Variants in RGS12 observed in about 807,000 individuals in gnomAD.
RGS12 encodes regulator of G protein signaling 12.
A neutral mutation model predicts 120.1 loss-of-function variants in RGS12; 66 were observed. The ratio of observed to expected loss-of-function variants is 0.55; its 90% CI spans 0.45 to 0.67. The LOEUF (loss-of-function observed/expected upper bound fraction) is 0.67, where lower values mean the gene tolerates loss of function less well. RGS12 is among the 30% of genes least tolerant of loss of function. The pLI, the probability that RGS12 is intolerant of heterozygous loss-of-function variation, is 0.00. For missense variants in RGS12, 1,859 were observed against 1,957.7 expected, an observed-to-expected ratio of 0.95 and a Z score of 0.95; for synonymous variants, 827 against 804.7, an observed-to-expected ratio of 1.03 and a Z score of -0.47.
chr4:3,423,397 G>A, intron 12 of RGS12, 118 bp from the exon 13 acceptor site: 5 of 1,350,694 alleles, frequency 3.7e-6, no homozygotes, highest in Non-Finnish European at 4.1e-6. Flanking sequence ...GGGCTGAACT[G>A]GGGGGCACAC....
intron 4 of RGS12, among the ~76,000 whole-genome samples, chr4:3,388,014 G>A (rs1424412875): frequency 6.6e-6 from 1 of 152,174 alleles, no homozygotes; most frequent in African/African-American, 2.4e-5. Context: ...GTCCCTCTGA[G>A]GAAGTGTGTC....
chr4:3,299,757 A>G (rs969375590), intron 1 of RGS12, among the ~76,000 whole-genome samples: 1 of 152,254 alleles, frequency 6.6e-6, no homozygotes, highest in African/African-American at 2.4e-5. Context: ...GGATGGGTCA[A>G]CTAACCTGAT....
At chr4:3,425,581 G>A (rs774414569) in intron 14 of RGS12, 21 bp downstream of exon 14, 64 of 1,593,766 alleles carry the variant, frequency 4.0e-5, no homozygotes, top group East Asian at 3.6e-4. Context: ...CTGGTGCAGC[G>A]GATGGGGAGA....
At chr4:3,321,534 G>T (rs1406826256) in intron 2 of RGS12, among the ~76,000 whole-genome samples, 4 of 152,182 alleles carry the variant, frequency 2.6e-5, no homozygotes, top group Admixed American at 6.5e-5. Context: ...AAATGCCTTG[G>T]TGTCTGGCAC....
At position 3,316,923 on chromosome 4, in the gene RGS12, C is replaced by T; in HGVS notation, c.753C>T (p.Ser251=). 1 of 1,613,988 alleles carries T rather than the reference C, an allele frequency of 6.2e-7. No individual in the cohort carries two copies. The highest frequency in any genetic ancestry group is 8.5e-7 in the Non-Finnish European group (1 of 1,180,048). ...PSTSSNLESD[S]LQAIRGCMRR... is the part of the protein sequence containing the mutation. ...CGAGCTCCAACCTGGAGTCCGACAG[C>T]TTGCAAGCCATCCGCGGCTGCATGC... is the stretch of plus-strand genomic sequence containing the variant. Residue 251 remains serine (S), a synonymous_variant, in exon 2 of 18, where the codon AGC becomes AGT. Coordinates refer to ENST00000336727, the MANE Select transcript of RGS12 (RefSeq NM_001394154.1).
intron 2 of RGS12, among the ~76,000 whole-genome samples, chr4:3,334,408 A>G (rs975079706): frequency 1.6e-4 from 25 of 152,164 alleles, no homozygotes; most frequent in Admixed American, 4.6e-4. Flanking sequence ...TTTTTTATAC[A>G]CTGATGTATT....
rs767886615 is a variant in RGS12, at chr4:3,422,437, A to G, written c.2900A>G (p.His967Arg). Reference protein sequence around the residue: ...KDKATKHCCIHLPDGTSCVVA... With the variant: ...KDKATKHCCIRLPDGTSCVVA... ...AAGGCCACCAAGCACTGCTGCATTCATCTCCCGGATGGGACATCCTGCGTG... is the reference window on the plus strand; with the variant it reads ...AAGGCCACCAAGCACTGCTGCATTCGTCTCCCGGATGGGACATCCTGCGTG... Residue 967 changes from histidine to arginine, a missense_variant, in exon 11 of 18, where the codon CAT (histidine) becomes CGT (arginine). Physicochemically the swap from His to Arg is conservative, Grantham distance 29 (BLOSUM62 0). Coordinates refer to ENST00000336727, the MANE Select transcript of RGS12 (RefSeq NM_001394154.1). 35 of 1,613,062 alleles carry G rather than the reference A, an allele frequency of 2.2e-5. No individual in the cohort carries two copies. In the South Asian group the frequency reaches 3.8e-4, roughly 18 times the overall value.
At chr4:3,417,639 G>A in intron 9 of RGS12, 98 bp downstream of exon 9, 1 of 1,339,312 alleles carries the variant, frequency 7.5e-7, no homozygotes, top group Admixed American at 2.1e-5. Context: ...TGGGCCATGT[G>A]TGCAGTGAGA....
chr4:3,289,894 AAGTT>A (rs1722974427), upstream of RGS12, among the ~76,000 whole-genome samples: 1 of 152,210 alleles, frequency 6.6e-6, no homozygotes. Flanking sequence ...TTCCACATGT[AAGTT>A]AGACCGGGCA....
At chr4:3,338,757 G>C (rs772903951) in intron 2 of RGS12, among the ~76,000 whole-genome samples, 3 of 152,218 alleles carry the variant, frequency 2.0e-5, no homozygotes, top group African/African-American at 7.2e-5. Context: ...TCAGACAGTC[G>C]TGAGGAGTCT....
In RGS12 at chr4:3,355,277, C is replaced by T. The variant is rs543816701; in HGVS notation, c.1998+12224C>T. ...AAGTTAAAAGAATTAAAGGGAAATTCCTTAATCTGATAAGGATATCTAAAC... is the reference window on the plus strand; with the variant it reads ...AAGTTAAAAGAATTAAAGGGAAATTTCTTAATCTGATAAGGATATCTAAAC... On this transcript the variant is annotated intron_variant, in intron 3 of 17. Coordinates refer to ENST00000336727, the MANE Select transcript of RGS12 (RefSeq NM_001394154.1). 3.9e-5 allele frequency among the ~76,000 whole-genome samples: 6 copies of T among 152,244 alleles called. No individual in the cohort carries two copies. In the South Asian group the frequency reaches 1.2e-3, roughly 32 times the overall value.
chr4:3,367,885 G>A (rs1415208553), intron 3 of RGS12, among the ~76,000 whole-genome samples: 1 of 152,224 alleles, frequency 6.6e-6, no homozygotes, highest in African/African-American at 2.4e-5. Context: ...AGCAACAGGC[G>A]GACCCCTAGC....
chr4:3,293,178 C>T (rs1417043549), intron 1 of RGS12, 79 bp downstream of exon 1: 1 of 145,972 alleles, frequency 6.9e-6, no homozygotes, highest in Non-Finnish European at 1.5e-5. Flanking sequence ...GGGCGCGCGC[C>T]CGCGCCCTCC....
At chr4:3,416,892 C>G (rs775560979) in intron 7 of RGS12, 21 bp from the exon 8 acceptor site, 1 of 1,577,136 alleles carries the variant, frequency 6.3e-7, no homozygotes, top group East Asian at 2.3e-5. Context: ...GTGACTGTCC[C>G]ACCTTACATC....
intron 1 of RGS12, among the ~76,000 whole-genome samples, chr4:3,313,658 G>A (rs958462326): frequency 3.9e-5 from 6 of 152,192 alleles, no homozygotes; most frequent in African/African-American, 1.4e-4. Flanking sequence ...GTGACTTTAA[G>A]TCTGCTTCCT....
Position 3,398,618 on chromosome 4 carries a change from T to A in RGS12, c.2020+12181T>A, listed in dbSNP as rs148447086. 5.2e-3 allele frequency among the ~76,000 whole-genome samples: 789 copies of A among 151,936 alleles called. 6 individuals are homozygous for A. Among genetic ancestry groups the A allele is most frequent in the African/African-American group, 0.018 (741 of 41,414 alleles). On this transcript the variant is annotated intron_variant, in intron 4 of 17. Coordinates refer to ENST00000336727, the MANE Select transcript of RGS12 (RefSeq NM_001394154.1). The stretch of plus-strand genomic sequence containing the variant: ...GCAATAAAAAGAACAAAAAAGACAG[T>A]GTGCACCAAAAGTAGCATGAGATTT...
At chr4:3,411,516 G>A (rs1409751721) in intron 4 of RGS12, among the ~76,000 whole-genome samples, 1 of 152,206 alleles carries the variant, frequency 6.6e-6, no homozygotes, top group Non-Finnish European at 1.5e-5. Context: ...AGCTTTCCAC[G>A]GGAGCTTTCA....
chr4:3,317,302 T>C lies in RGS12; in HGVS notation c.1132T>C (p.Ser378Pro). The C allele has an allele frequency of 6.2e-7, 1 of 1,613,982 alleles. No individual in the cohort carries two copies. The highest frequency in any genetic ancestry group is 8.5e-7 in the Non-Finnish European group (1 of 1,180,004). Residue 378 changes from serine to proline, a missense_variant, in exon 2 of 18, where the codon TCC becomes CCC. By Grantham distance (74) the Ser-to-Pro change is moderately conservative. Around this residue, in one of 3 missense-constraint regions of RGS12, gnomAD observed 967 missense variants for 994.2 expected, o/e 0.97. Transcript: ENST00000336727. ...DTNGCLEFPA[S>P]SLPVLQFISV... ...CAATGGCTGTCTGGAATTCCCGGCG[T>C]CCTCCCTCCCCGTCCTGCAGTTCAT...
In RGS12 at chr4:3,416,069, A is replaced by G. The variant is rs1218178098; in HGVS notation, c.2375A>G (p.Asp792Gly). The G allele has an allele frequency of 3.1e-6, 5 of 1,613,934 alleles. No homozygotes were observed. Among genetic ancestry groups the G allele is most frequent in the Non-Finnish European group, 3.4e-6 (4 of 1,180,016 alleles). The change falls in exon 7 of 18, where the codon GAC becomes GGC. Residue 792 changes from aspartate (D) to glycine (G), a missense_variant. By Grantham distance (94) the Asp-to-Gly change is moderately conservative. Transcript: ENST00000336727. ...ATCGACAGCCAGGCCCAGCTAGCAG[A>G]CGACGTCCTCCGCGCACCTCACCCA... Reference protein sequence around the residue: ...VNIDSQAQLADDVLRAPHPDM... With the variant: ...VNIDSQAQLAGDVLRAPHPDM...
Sources: gnomAD v4.1 joint callset for allele counts (sites outside exome capture counted in the v4.1 genomes callset) on GRCh38, gnomAD v4.1.1 for gene constraint, gnomAD v4.1.1 regional missense constraint, MANE v1.5 for transcripts, NCBI Gene and HGNC (gene_info 2026-07-23, HGNC 2026-07-21) for gene names.